ZBTB41: variants seen among roughly 807,000 people sequenced by gnomAD.
ZBTB41 encodes zinc finger and BTB domain-containing protein 41.
In ZBTB41, 42 loss-of-function variants were observed where a neutral mutation model predicts 87.6. That is an observed-to-expected ratio of 0.48 (90% CI 0.37 to 0.62). The LOEUF is 0.62. ZBTB41 is among the 20% of genes least tolerant of loss of function. The pLI is 0.00. For synonymous variants in ZBTB41, 364 were observed against 364.0 expected, an observed-to-expected ratio of 1.00 and a Z score of 0.00; for missense variants, 799 against 1,078.9, an observed-to-expected ratio of 0.74 and a Z score of 3.63.
intron 6 of ZBTB41, among the ~76,000 whole-genome samples, chr1:197,179,769 CAT>C (rs1186029541): frequency 6.6e-6 from 1 of 151,394 alleles, no homozygotes; most frequent in Non-Finnish European, 1.5e-5. Context: ...AAAAGTAAAA[CAT>C]AAAAAATTTA....
intron 6 of ZBTB41, 56 bp from the exon 7 acceptor site, chr1:197,178,568 A>C: frequency 1.6e-6 from 2 of 1,267,934 alleles, no homozygotes; most frequent in Non-Finnish European, 2.2e-6. Flanking sequence ...TAGTAAATAG[A>C]TTTCTGGAAA....
intron 10 of ZBTB41, among the ~76,000 whole-genome samples, chr1:197,165,306 T>C (rs760801658): frequency 1.3e-5 from 2 of 151,714 alleles, no homozygotes; most frequent in Non-Finnish European, 2.9e-5. Context: ...AATGGAAATA[T>C]GAAATTAAAA....
chr1:197,201,087 G>T (rs1173289654), intron 1 of ZBTB41, among the ~76,000 whole-genome samples, 136 bp downstream of exon 1: 3 of 152,228 alleles, frequency 2.0e-5, no homozygotes, highest in Non-Finnish European at 4.4e-5. Flanking sequence ...CAGAAGTGGG[G>T]TCAACCAGAG....
intron 10 of ZBTB41, among the ~76,000 whole-genome samples, chr1:197,170,650 C>T (rs1212900585): frequency 3.3e-5 from 5 of 152,084 alleles, no homozygotes; most frequent in Non-Finnish European, 5.9e-5. Context: ...GCAAAAGCCA[C>T]TCTGTGAAGT....
chr1:197,175,328 G>T (rs1025803342), intron 8 of ZBTB41, among the ~76,000 whole-genome samples: 1 of 148,532 alleles, frequency 6.7e-6, no homozygotes, highest in African/African-American at 2.5e-5. Flanking sequence ...TCTTTTCCCC[G>T]CTTGGAAAAG....
chr1:197,170,031 C>T (rs538151802), intron 10 of ZBTB41, among the ~76,000 whole-genome samples: 1 of 152,004 alleles, frequency 6.6e-6, no homozygotes, highest in East Asian at 1.9e-4. Flanking sequence ...GAGTGCCAAA[C>T]TCTTCAAAAG....
chr1:197,198,362 A>G (rs1660218630), intron 2 of ZBTB41, among the ~76,000 whole-genome samples: 1 of 152,176 alleles, frequency 6.6e-6, no homozygotes, highest in Non-Finnish European at 1.5e-5. Context: ...TTTTACAGCA[A>G]ATGATCACCA....
In ZBTB41 at chr1:197,175,431, A is replaced by AATATATAT. The variant is rs67302873; in HGVS notation, c.1880-324_1880-317dup. Reference sequence around the variant, plus strand: ...ACTACTTCAAAACTTAGGAATTTTAAATATATATATATATATATGTCTGTA... The same window carrying AATATATAT: ...ACTACTTCAAAACTTAGGAATTTTAAATATATATATATATATATATATATATGTCTGTA... On this transcript the variant is annotated intron_variant, in intron 8 of 10. Transcript: ENST00000367405. 3.2e-3 allele frequency among the ~76,000 whole-genome samples: 232 copies of AATATATAT among 71,590 alleles called. 14 individuals are homozygous for AATATATAT. The highest frequency in any genetic ancestry group is 8.1e-3 in the African/African-American group (202 of 24,840). 47.0% of individuals were successfully genotyped at this position (71,590 alleles called of 152,430 possible). A position where few individuals can be genotyped will look rare whatever the true frequency, so the allele number is the denominator to read the frequency against.
intron 10 of ZBTB41, 36 bp from the exon 11 acceptor site, chr1:197,160,050 A>G: frequency 6.5e-7 from 1 of 1,538,998 alleles, no homozygotes; most frequent in South Asian, 1.2e-5. Context: ...TAGATGTAAA[A>G]TGTACTCAAC....
At chr1:197,166,266 T>G (rs1461443653) in intron 10 of ZBTB41, among the ~76,000 whole-genome samples, 2 of 151,160 alleles carry the variant, frequency 1.3e-5, no homozygotes, top group Non-Finnish European at 3.0e-5. Flanking sequence ...ATAAAATAAA[T>G]CAACAAAGAG....
At chr1:197,162,239 T>C (rs905022162) in intron 10 of ZBTB41, among the ~76,000 whole-genome samples, 12 of 152,116 alleles carry the variant, frequency 7.9e-5, no homozygotes, top group Admixed American at 2.6e-4. Context: ...TAAAGATAGA[T>C]AGCAGAAAAG....
At position 197,157,575 on chromosome 1, in the gene ZBTB41, C is replaced by A. The variant is rs1014678888; in HGVS notation, c.*1784G>T. On this transcript the variant is annotated 3_prime_UTR_variant, in exon 11 of 11. Coordinates refer to ENST00000367405, the MANE Select transcript of ZBTB41 (RefSeq NM_194314.3). ...GTACCCCAGATATAACATTTCCACA[C>A]AAAGAAATAAGAATACTTTAAAAAG... 9.2e-5 allele frequency: 14 copies of A among 152,230 alleles called. No individual in the cohort carries two copies. Among genetic ancestry groups the A allele is most frequent in the Non-Finnish European group, 1.9e-4 (13 of 67,754 alleles). 9.4% of individuals were successfully genotyped at this position (152,230 alleles called of 1,614,324 possible).
intron 10 of ZBTB41, among the ~76,000 whole-genome samples, chr1:197,168,673 C>A (rs115508879): frequency 0.014 from 2,091 of 151,816 alleles, 42 homozygotes; most frequent in African/African-American, 0.048. Context: ...AGAAGGTAAC[C>A]GCAAAAAATA....
At chr1:197,186,795 T>C (rs1571663311) in intron 5 of ZBTB41, among the ~76,000 whole-genome samples, 1 of 151,044 alleles carries the variant, frequency 6.6e-6, no homozygotes, top group Non-Finnish European at 1.5e-5. Flanking sequence ...ACCTGGGAGG[T>C]GGAGGTTGCA....
intron 5 of ZBTB41, among the ~76,000 whole-genome samples, chr1:197,182,383 C>G (rs1451993354): frequency 6.6e-5 from 10 of 152,116 alleles, no homozygotes; most frequent in Non-Finnish European, 1.5e-4. Flanking sequence ...GCAGCTAAAC[C>G]TATTTTAAAC....
chr1:197,197,833 C>G (rs1367479319), intron 2 of ZBTB41, among the ~76,000 whole-genome samples: 1 of 152,196 alleles, frequency 6.6e-6, no homozygotes, highest in Non-Finnish European at 1.5e-5. Context: ...AGTTCCCAAT[C>G]TTACTTGAAC....
At chr1:197,163,838 T>G (rs1226893442) in intron 10 of ZBTB41, among the ~76,000 whole-genome samples, 2 of 151,768 alleles carry the variant, frequency 1.3e-5, no homozygotes, top group African/African-American at 2.4e-5. Context: ...CTATCTAAAG[T>G]GCCAAATGAA....
chr1:197,171,833 T>C (rs1659486812), intron 10 of ZBTB41, among the ~76,000 whole-genome samples: 3 of 151,790 alleles, frequency 2.0e-5, no homozygotes, highest in African/African-American at 7.2e-5. Context: ...AGAAAAGCCT[T>C]CAGAAAGCAA....
chr1:197,165,966 C>T (rs1659334632), intron 10 of ZBTB41, among the ~76,000 whole-genome samples: 3 of 151,396 alleles, frequency 2.0e-5, no homozygotes, highest in Non-Finnish European at 4.4e-5. Flanking sequence ...CAGGGTGGGG[C>T]GTTGCCTCAC....
Sources: allele counts gnomAD v4.1 joint callset (sites outside exome capture counted in the v4.1 genomes callset), GRCh38; gene constraint gnomAD v4.1.1; transcripts MANE v1.5; gene names NCBI Gene and HGNC (gene_info 2026-07-23, HGNC 2026-07-21).